The following INPP5A variants were observed in gnomAD, a reference collection of about 807,000 sequenced individuals.
INPP5A encodes the protein 43 kDa inositol polyphosphate 5-phophatase.
In INPP5A, 14 loss-of-function variants were observed where a neutral mutation model predicts 65.2. The observed-to-expected ratio is 0.21, with a 90% CI of 0.14 to 0.34. INPP5A has a LOEUF of 0.34. Among genes scored for constraint, INPP5A ranks in the 10% least tolerant of loss-of-function variants. The pLI is 1.00. For synonymous variants in INPP5A, 207 were observed against 208.3 expected (o/e 0.99, Z 0.05); for missense variants, 431 against 545.6 (o/e 0.79, Z 2.09).
Position 132,650,108 on chromosome 10 carries a change from G to A in INPP5A, c.219-310G>A, listed in dbSNP as rs771185353. Among the ~76,000 whole-genome samples the A allele has an allele frequency of 4.6e-5, 7 of 152,174 alleles. No homozygotes were observed. Among genetic ancestry groups the A allele is most frequent in the Non-Finnish European group, 8.8e-5 (6 of 68,030 alleles). Reference sequence around the variant, plus strand: ...GAGAGCCCCCAGAGCTTGGAGTTGCGCTTCCCTGGCATGAGACCTTGGGTG... The same window carrying A: ...GAGAGCCCCCAGAGCTTGGAGTTGCACTTCCCTGGCATGAGACCTTGGGTG... On this transcript the variant is annotated intron_variant, in intron 3 of 15. Transcript: ENST00000368594. The surrounding 1 kb of genome is among the most constrained non-coding windows in gnomAD (Gnocchi z 5.5).
At chr10:132,579,882 C>A (rs1242017678) in intron 1 of INPP5A, among the ~76,000 whole-genome samples, 2 of 151,974 alleles carry the variant, frequency 1.3e-5, no homozygotes, top group Non-Finnish European at 2.9e-5. Flanking sequence ...CTTTTGCAAA[C>A]CTGAAGCTCA....
intron 11 of INPP5A, among the ~76,000 whole-genome samples, chr10:132,764,076 G>C (rs1038595453): frequency 6.6e-6 from 1 of 152,292 alleles, no homozygotes; most frequent in African/African-American, 2.4e-5. Flanking sequence ...GGGAACTGGA[G>C]CTGTACCCTC....
rs555463967 is a variant in INPP5A at position 132,546,873 on chromosome 10, A to G, written c.75+8702A>G. Among the ~76,000 whole-genome samples the G allele has an allele frequency of 5.9e-5, 9 of 152,254 alleles. No homozygotes were observed. The highest frequency in any genetic ancestry group is 2.2e-4 in the African/African-American group (9 of 41,548). The stretch of plus-strand genomic sequence containing the variant: ...CCCTGCTTTTGGTCCTGTAGGCACC[A>G]GGACTGCACTCTGGCAGGGGCAGAC... On this transcript the variant is annotated intron_variant, in intron 1 of 15. Transcript: ENST00000368594. This position sits in a 1 kb window ranked among gnomAD's most constrained non-coding sequence, Gnocchi z 5.7.
At chr10:132,543,517 A>C (rs1304810965) in intron 1 of INPP5A, among the ~76,000 whole-genome samples, 1 of 152,186 alleles carries the variant, frequency 6.6e-6, no homozygotes, top group Non-Finnish European at 1.5e-5. Flanking sequence ...CCTGGCTTCA[A>C]GTGATCCTCC....
chr10:132,579,837 C>T (rs1381538105), intron 1 of INPP5A, among the ~76,000 whole-genome samples: 3 of 152,092 alleles, frequency 2.0e-5, no homozygotes, highest in Non-Finnish European at 2.9e-5. Context: ...CGTCATCCAC[C>T]TGCCTCTCCG....
At chr10:132,687,101 C>G (rs984211640) in intron 4 of INPP5A, among the ~76,000 whole-genome samples, 1 of 152,198 alleles carries the variant, frequency 6.6e-6, no homozygotes, top group Non-Finnish European at 1.5e-5. Flanking sequence ...CATGCCACCA[C>G]GCCTGGCTGA....
intron 9 of INPP5A, among the ~76,000 whole-genome samples, chr10:132,747,690 C>T (rs1316307845): frequency 2.0e-5 from 3 of 152,208 alleles, no homozygotes; most frequent in Non-Finnish European, 4.4e-5. Context: ...ATTTTTAAAG[C>T]CAAAGTTACT....
intron 8 of INPP5A, among the ~76,000 whole-genome samples, chr10:132,719,264 G>A (rs1049881609): frequency 2.7e-5 from 4 of 149,752 alleles, no homozygotes; most frequent in African/African-American, 7.4e-5. Flanking sequence ...GGGCACCTTA[G>A]ACAGCTGTCT....
rs945873711 is a variant in INPP5A at position 132,651,227 on chromosome 10, C to G, written c.306+722C>G. ...AATCCCGTCTTTATGCCCTGGGTCCCCCGGCCTGGATCCATCTCCCCCGTC... is the reference window on the plus strand; with the variant it reads ...AATCCCGTCTTTATGCCCTGGGTCCGCCGGCCTGGATCCATCTCCCCCGTC... On this transcript the variant is annotated intron_variant, in intron 4 of 15. Transcript: ENST00000368594. This position sits in a 1 kb window ranked among gnomAD's most constrained non-coding sequence, Gnocchi z 5.0. Among the ~76,000 whole-genome samples the G allele has an allele frequency of 5.3e-5, 8 of 152,044 alleles. No homozygotes were observed. The highest frequency in any genetic ancestry group is 1.0e-4 in the Non-Finnish European group (7 of 67,968).
At chr10:132,628,285 C>T (rs558695584) in intron 2 of INPP5A, among the ~76,000 whole-genome samples, 3 of 152,284 alleles carry the variant, frequency 2.0e-5, no homozygotes, top group Non-Finnish European at 4.4e-5. Context: ...GCTGTGTAAC[C>T]TCACCGTGCC....
intron 11 of INPP5A, among the ~76,000 whole-genome samples, chr10:132,754,168 C>A (rs918021273): frequency 6.6e-6 from 1 of 152,252 alleles, no homozygotes; most frequent in Non-Finnish European, 1.5e-5. Flanking sequence ...AGGATCCCCC[C>A]GCCACCTGGC....
intron 1 of INPP5A, among the ~76,000 whole-genome samples, chr10:132,590,710 C>T (rs185859616): frequency 3.7e-4 from 57 of 152,292 alleles, no homozygotes; most frequent in Admixed American, 1.0e-3. Context: ...ACAGGGGCCA[C>T]GTGCCGTCTT....
chr10:132,594,058 T>G (rs955681835), intron 1 of INPP5A, among the ~76,000 whole-genome samples: 3 of 152,202 alleles, frequency 2.0e-5, no homozygotes, highest in Non-Finnish European at 4.4e-5. Flanking sequence ...GCTGGATCTT[T>G]GGGGTGTGTG....
intron 9 of INPP5A, among the ~76,000 whole-genome samples, chr10:132,748,813 C>A: frequency 6.6e-6 from 1 of 152,208 alleles, no homozygotes; most frequent in East Asian, 1.9e-4. Flanking sequence ...TCCACAGGCA[C>A]CAGAGGCCGC....
At chr10:132,740,498 T>C (rs1175465010) in intron 9 of INPP5A, among the ~76,000 whole-genome samples, 1 of 152,214 alleles carries the variant, frequency 6.6e-6, no homozygotes. Context: ...AGAAAATGTT[T>C]ATCCCCTGGA....
At chr10:132,740,006 G>A (rs1846245868) in intron 9 of INPP5A, among the ~76,000 whole-genome samples, 1 of 152,200 alleles carries the variant, frequency 6.6e-6, no homozygotes, top group Admixed American at 6.5e-5. Context: ...GACGAAGCAG[G>A]TTTTAAAGAC....
intron 2 of INPP5A, 28 bp downstream of exon 2, chr10:132,607,984 G>A (rs905034378): frequency 5.6e-6 from 9 of 1,606,254 alleles, no homozygotes; most frequent in Middle Eastern, 1.6e-4. Context: ...GTGTTCTTTT[G>A]GATTCATTAC....
At chr10:132,646,441 C>T (rs1026574829) in intron 3 of INPP5A, among the ~76,000 whole-genome samples, 4 of 152,156 alleles carry the variant, frequency 2.6e-5, no homozygotes, top group Non-Finnish European at 2.9e-5. Context: ...CTGACAGGGC[C>T]GGCCCAACTG....
intron 1 of INPP5A, among the ~76,000 whole-genome samples, chr10:132,565,855 G>A (rs1352725126): frequency 2.0e-5 from 3 of 152,144 alleles, no homozygotes; most frequent in African/African-American, 7.2e-5. Context: ...ATGTGTGTGT[G>A]TGTTTGTGTG....
Sources: allele counts gnomAD v4.1 joint callset (sites outside exome capture counted in the v4.1 genomes callset), GRCh38; gene constraint gnomAD v4.1.1; non-coding constraint Gnocchi (gnomAD v3.1); transcripts MANE v1.5; gene names NCBI Gene and HGNC (gene_info 2026-07-23, HGNC 2026-07-21).